The following SNX25 variants were observed in gnomAD, a reference collection of about 807,000 sequenced individuals.
SNX25 encodes the protein sorting nexin-25.
In SNX25, 62 loss-of-function variants were observed where a neutral mutation model predicts 113.7. That is an observed-to-expected ratio of 0.55 (90% CI 0.44 to 0.67). The LOEUF (loss-of-function observed/expected upper bound fraction) is 0.67, where lower values mean the gene tolerates loss of function less well. SNX25 is among the 30% of genes least tolerant of loss of function. The probability of loss-of-function intolerance (pLI) is 0.00; values close to 1 mark genes in which losing one functional copy is unlikely to be tolerated. For synonymous variants in SNX25, 421 were observed against 436.2 expected (o/e 0.97, Z 0.43); for missense variants, 1,014 against 1,161.0 (o/e 0.87, Z 1.84).
At chr4:185,245,068 C>T (rs185339925) in intron 1 of SNX25, among the ~76,000 whole-genome samples, 9 of 152,042 alleles carry the variant, frequency 5.9e-5, no homozygotes, top group Admixed American at 4.6e-4. Context: ...TGAGGGCAAC[C>T]GTAACATTAG....
chr4:185,335,316 TCA>T (rs3047486), intron 10 of SNX25, among the ~76,000 whole-genome samples: 69,030 of 140,552 alleles, frequency 0.49, 17,914 homozygotes, highest in Non-Finnish European at 0.6. Context: ...TGAAAAAGTC[TCA>T]CACACACACA....
chr4:185,365,966 T>G (rs1426941364), downstream of SNX25: 1 of 152,208 alleles, frequency 6.6e-6, no homozygotes, highest in Non-Finnish European at 1.5e-5. Context: ...TCAACAGTTC[T>G]TAGTGACTAT....
chr4:185,362,208 T>TA, intron 17 of SNX25, 103 bp downstream of exon 17: 1 of 1,408,204 alleles, frequency 7.1e-7, no homozygotes, highest in Non-Finnish European at 9.3e-7. Context: ...TTCTTTACAA[T>TA]GAAAAAAAAA....
chr4:185,337,665 A>C (rs1259575678), intron 10 of SNX25, among the ~76,000 whole-genome samples: 2 of 152,152 alleles, frequency 1.3e-5, no homozygotes, highest in Non-Finnish European at 2.9e-5. Flanking sequence ...TTTTTGAGGA[A>C]TCATTAAACT....
rs1053626541 is a variant in SNX25, at chr4:185,265,600, G to A, written c.904+990G>A. Reference sequence around the variant, plus strand: ...ACTGCAGACTTCATAAACAGTGTACGCTTAGGCTACACTACATTTATTTAA... The same window carrying A: ...ACTGCAGACTTCATAAACAGTGTACACTTAGGCTACACTACATTTATTTAA... On this transcript the variant is annotated intron_variant, in intron 4 of 18. Transcript: ENST00000652585. Among the ~76,000 whole-genome samples the A allele has an allele frequency of 2.6e-5, 4 of 152,092 alleles. No individual in the cohort carries two copies. In the South Asian group the frequency reaches 6.2e-4, roughly 24 times the overall value.
intron 5 of SNX25, among the ~76,000 whole-genome samples, chr4:185,285,249 T>C (rs1579619384): frequency 6.6e-6 from 1 of 152,348 alleles, no homozygotes; most frequent in Admixed American, 6.5e-5. Context: ...TAATCTTTAT[T>C]ATTATAAATA....
intron 3 of SNX25, among the ~76,000 whole-genome samples, chr4:185,263,128 A>G (rs910329322): frequency 6.6e-6 from 1 of 152,218 alleles, no homozygotes; most frequent in Admixed American, 6.5e-5. Context: ...CAGTCTGAGT[A>G]CCAGGCTCCT....
intron 7 of SNX25, among the ~76,000 whole-genome samples, chr4:185,315,671 G>A (rs549362372): frequency 2.8e-4 from 42 of 152,038 alleles, no homozygotes; most frequent in Non-Finnish European, 4.7e-4. Flanking sequence ...AACGGAGAAG[G>A]GAACACTTCA....
At chr4:185,255,736 T>G (rs1236047277) in intron 2 of SNX25, among the ~76,000 whole-genome samples, 1 of 152,214 alleles carries the variant, frequency 6.6e-6, no homozygotes, top group Non-Finnish European at 1.5e-5. Flanking sequence ...GAAAGAGTGA[T>G]TGGCAGGTAG....
At chr4:185,277,601 G>A (rs567190514) in intron 5 of SNX25, among the ~76,000 whole-genome samples, 5 of 151,636 alleles carry the variant, frequency 3.3e-5, no homozygotes, top group Admixed American at 1.3e-4. Flanking sequence ...CACCATTACA[G>A]TATATAGAGT....
intron 11 of SNX25, among the ~76,000 whole-genome samples, chr4:185,341,361 G>A (rs1336661251): frequency 6.6e-6 from 1 of 152,238 alleles, no homozygotes; most frequent in African/African-American, 2.4e-5. Context: ...TTCTCTGAGA[G>A]AGTTTCTGAT....
At chr4:185,260,178 ATTT>A (rs1235334840) in intron 3 of SNX25, among the ~76,000 whole-genome samples, 1 of 132,932 alleles carries the variant, frequency 7.5e-6, no homozygotes, top group South Asian at 2.4e-4. Context: ...ACTCAATTTT[ATTT>A]TCTTACTTAA....
chr4:185,339,623 G>T lies in SNX25; in HGVS notation c.2046+113G>T, dbSNP rs540943248. 2.8e-5 allele frequency: 37 copies of T among 1,332,784 alleles called. No individual in the cohort carries two copies. The African/African-American group carries it at 4.2e-4, about 15-fold the overall frequency. 82.6% of individuals were successfully genotyped at this position (1,332,784 alleles called of 1,614,324 possible). On this transcript the variant is annotated intron_variant, in intron 11 of 18. Coordinates refer to ENST00000652585, the MANE Select transcript of SNX25 (RefSeq NM_001378034.2). ...TAGAAAACTTACACTCATTCTTTTA[G>T]ACCATATTTGTCCTACCTTCCTTCC... is the stretch of plus-strand genomic sequence containing the variant.
chr4:185,288,477 A>T (rs1465486645), intron 6 of SNX25, among the ~76,000 whole-genome samples: 1 of 152,052 alleles, frequency 6.6e-6, no homozygotes, highest in Non-Finnish European at 1.5e-5. Flanking sequence ...GAGATTTCAT[A>T]ATTAATCTTT....
the SNX25 span, chr4:185,375,873 G>T: frequency 3.1e-5 from 15 of 487,722 alleles, no homozygotes; most frequent in East Asian, 5.0e-4. Context: ...CCACGCTGAG[G>T]AAGCATGCTC....
At chr4:185,225,162 A>T (rs1740789377) in intron 1 of SNX25, among the ~76,000 whole-genome samples, 1 of 137,596 alleles carries the variant, frequency 7.3e-6, no homozygotes, top group South Asian at 2.2e-4. Flanking sequence ...TTTGTTGCCC[A>T]GGCTGGAGTG....
At chr4:185,320,014 T>C (rs779826643) in intron 7 of SNX25, among the ~76,000 whole-genome samples, 2 of 152,180 alleles carry the variant, frequency 1.3e-5, no homozygotes, top group South Asian at 2.1e-4. Flanking sequence ...AGGAACGCTT[T>C]TACACTGTTG....
At chr4:185,259,412 C>G (rs746464217) in intron 3 of SNX25, among the ~76,000 whole-genome samples, 14 of 152,082 alleles carry the variant, frequency 9.2e-5, no homozygotes, top group Admixed American at 2.6e-4. Flanking sequence ...AGTATTTAGA[C>G]ACGTTTAAAT....
At chr4:185,226,782 A>G (rs1741063687) in intron 1 of SNX25, among the ~76,000 whole-genome samples, 1 of 152,224 alleles carries the variant, frequency 6.6e-6, no homozygotes, top group South Asian at 2.1e-4. Context: ...GCTTTACAAC[A>G]TGTGTTATTA....
Sources: gnomAD v4.1 joint callset for allele counts (sites outside exome capture counted in the v4.1 genomes callset) on GRCh38, gnomAD v4.1.1 for gene constraint, MANE v1.5 for transcripts, NCBI Gene and HGNC (gene_info 2026-07-23, HGNC 2026-07-21) for gene names.